RNF14: variants seen among roughly 807,000 people sequenced by gnomAD.
RNF14 encodes ring finger protein 14.
A neutral mutation model predicts 52.6 loss-of-function variants in RNF14; 26 were observed. The ratio of observed to expected loss-of-function variants is 0.49; its 90% CI spans 0.36 to 0.69. The LOEUF (loss-of-function observed/expected upper bound fraction) is 0.69. Among genes scored for constraint, RNF14 ranks in the 30% least tolerant of loss-of-function variants. The pLI is 0.00. For synonymous variants in RNF14, 194 were observed against 202.0 expected, an observed-to-expected ratio of 0.96 and a Z score of 0.34; for missense variants, 404 against 560.4, an observed-to-expected ratio of 0.72 and a Z score of 2.82.
chr5:141,989,272 A>G lies in RNF14; in HGVS notation c.*1482A>G, dbSNP rs1459162978. Reference sequence around the variant, plus strand: ...CGGCATATAACATATTCTTAAAGTAAGAAAAAAAAGGTCACAGAATAGCAT... The same window carrying G: ...CGGCATATAACATATTCTTAAAGTAGGAAAAAAAAGGTCACAGAATAGCAT... On this transcript the variant is annotated 3_prime_UTR_variant, in exon 9 of 9. Transcript: ENST00000394520. The G allele has an allele frequency of 6.6e-6, 1 of 152,354 alleles. No homozygotes were observed. The allele number at this position is 152,354 out of a possible 1,614,324, so 9.4% of individuals were successfully genotyped here.
In RNF14 at chr5:141,990,167, G is replaced by A. The variant is rs1177083737; in HGVS notation, c.*2377G>A. On this transcript the variant is annotated 3_prime_UTR_variant, in exon 9 of 9. Transcript: ENST00000394520. The stretch of plus-strand genomic sequence containing the variant: ...AATTTTAAGATGTATAGTTTTGGTA[G>A]AGTACTTTTGTCTCAGTAAAATGAA... 2.6e-5 allele frequency: 4 copies of A among 152,170 alleles called. No homozygotes were observed. The highest frequency in any genetic ancestry group is 5.9e-5 in the Non-Finnish European group (4 of 68,034). The allele number at this position is 152,170 out of a possible 1,614,324, so 9.4% of individuals were successfully genotyped here. A position where few individuals can be genotyped will look rare whatever the true frequency, so the allele number is the denominator to read the frequency against.
At chr5:141,968,662 A>G (rs138453771), upstream of RNF14, among the ~76,000 whole-genome samples, 11 of 152,354 alleles carry the variant, frequency 7.2e-5, no homozygotes, top group East Asian at 2.1e-3. Context: ...ACACTGCTTG[A>G]AGCATCCTAA....
At chr5:141,963,473 T>A (rs1350076710), upstream of RNF14, among the ~76,000 whole-genome samples, 1 of 151,830 alleles carries the variant, frequency 6.6e-6, no homozygotes, top group South Asian at 2.1e-4. Context: ...ACTGGGAGCA[T>A]CATCTGTGCA....
chr5:141,957,627 G>C, upstream of RNF14: 1 of 1,614,178 alleles, frequency 6.2e-7, no homozygotes, highest in Non-Finnish European at 8.5e-7. The surrounding 1 kb of genome is among the most constrained non-coding windows in gnomAD (Gnocchi z 4.3). Flanking sequence ...CCTGAATGGG[G>C]AGCGCCTGAG....
chr5:141,984,721 G>A, intron 7 of RNF14, 82 bp from the exon 8 acceptor site: 1 of 1,325,890 alleles, frequency 7.5e-7, no homozygotes, highest in Non-Finnish European at 1.1e-6. Flanking sequence ...CCAAGACAAT[G>A]TTGTACTGAA....
At chr5:141,950,170 G>A in the RNF14 span, among the ~76,000 whole-genome samples, 1 of 152,188 alleles carries the variant, frequency 6.6e-6, no homozygotes, top group Non-Finnish European at 1.5e-5. Context: ...TGCAGCCGGA[G>A]TGAGGCAGCC....
chr5:141,973,264 G>A (rs1753953761), intron 2 of RNF14, among the ~76,000 whole-genome samples: 1 of 141,122 alleles, frequency 7.1e-6, no homozygotes, highest in Non-Finnish European at 1.5e-5. Context: ...TTGAAACGGA[G>A]TTTCACTCTT....
chr5:141,973,965 A>T (rs1754022464), intron 3 of RNF14, among the ~76,000 whole-genome samples: 1 of 152,208 alleles, frequency 6.6e-6, no homozygotes, highest in South Asian at 2.1e-4. Flanking sequence ...TGCATATTTC[A>T]TACATCCTGG....
the RNF14 span, chr5:141,952,812 G>A: frequency 1.3e-5 from 2 of 152,252 alleles, no homozygotes; most frequent in African/African-American, 4.8e-5. Flanking sequence ...GCAAAAGCAA[G>A]GAGTTTGCAC....
intron 6 of RNF14, among the ~76,000 whole-genome samples, chr5:141,982,911 A>G (rs770679665): frequency 2.6e-5 from 4 of 152,224 alleles, no homozygotes; most frequent in Non-Finnish European, 5.9e-5. Context: ...CTTTAACTGC[A>G]TACTTCTAGA....
chr5:141,955,713 G>A (rs1753168666), upstream of RNF14: 2 of 1,614,140 alleles, frequency 1.2e-6, no homozygotes, highest in Non-Finnish European at 8.5e-7. The surrounding 1 kb of genome is among the most constrained non-coding windows in gnomAD (Gnocchi z 5.5). Flanking sequence ...GCATCGACAT[G>A]CTCAAGGCCC....
chr5:141,968,850 T>C (rs185283002), upstream of RNF14: 1 of 152,322 alleles, frequency 6.6e-6, no homozygotes, highest in East Asian at 1.9e-4. Flanking sequence ...CTGCCCTAGG[T>C]AGACCACTGC....
chr5:141,967,357 G>C (rs1753378555), upstream of RNF14, among the ~76,000 whole-genome samples: 1 of 152,174 alleles, frequency 6.6e-6, no homozygotes, highest in Non-Finnish European at 1.5e-5. Context: ...TGGGGTACAG[G>C]TGGTATTTGA....
At chr5:141,955,577 A>C (rs1442278663), upstream of RNF14, 9 of 1,614,002 alleles carry the variant, frequency 5.6e-6, no homozygotes, top group Non-Finnish European at 6.8e-6. The surrounding 1 kb of genome is among the most constrained non-coding windows in gnomAD (Gnocchi z 5.5). Flanking sequence ...TGCTGGCGGT[A>C]GGTGGACTCG....
chr5:141,974,832 T>C lies in RNF14; in HGVS notation c.183T>C (p.Ser61=). 6.2e-7 allele frequency: 1 copy of C among 1,614,062 alleles called. No homozygotes were observed. The highest frequency in any genetic ancestry group is 8.5e-7 in the Non-Finnish European group (1 of 1,179,948). The change falls in exon 4 of 9, where the codon AGT becomes AGC. Residue 61 remains serine, a synonymous_variant. Transcript: ENST00000394520. The stretch of plus-strand genomic sequence containing the variant: ...ATTCAAATGAGTGTCTCCAGAATAG[T>C]GGCTTTGAATACACCATTTGCTTTC... The part of the protein sequence containing the change: ...SGNSNECLQN[S]GFEYTICFLP...
chr5:141,987,209 C>T (rs974844879), intron 8 of RNF14, among the ~76,000 whole-genome samples: 1 of 152,160 alleles, frequency 6.6e-6, no homozygotes, highest in African/African-American at 2.4e-5. Context: ...TGTGTCTGGC[C>T]TCCCATCCCA....
upstream of RNF14, among the ~76,000 whole-genome samples, chr5:141,968,143 G>C (rs1371900604): frequency 6.7e-6 from 1 of 149,686 alleles, no homozygotes; most frequent in Non-Finnish European, 1.5e-5. Flanking sequence ...TTTTGAGACG[G>C]AGTCTCGCTG....
At chr5:141,974,121 A>G (rs1228553565) in intron 3 of RNF14, among the ~76,000 whole-genome samples, 5 of 152,248 alleles carry the variant, frequency 3.3e-5, no homozygotes, top group Admixed American at 3.3e-4. Context: ...AATCATTTCA[A>G]CTACTATAAA....
chr5:141,953,617 C>T (rs1319445079), upstream of RNF14, among the ~76,000 whole-genome samples: 1 of 152,220 alleles, frequency 6.6e-6, no homozygotes, highest in East Asian at 1.9e-4. Flanking sequence ...GTCACCTCAG[C>T]GGGGTCACCC....
Sources: allele counts gnomAD v4.1 joint callset (sites outside exome capture counted in the v4.1 genomes callset), GRCh38; gene constraint gnomAD v4.1.1; non-coding constraint Gnocchi (gnomAD v3.1); transcripts MANE v1.5; gene names NCBI Gene and HGNC (gene_info 2026-07-23, HGNC 2026-07-21).